ERI1: variants seen among roughly 807,000 people sequenced by gnomAD.
The protein encoded by ERI1 is 3'-5' exoribonuclease 1.
In ERI1, 39 loss-of-function variants were observed where a neutral mutation model predicts 39.7. That is an observed-to-expected ratio of 0.98 (90% CI 0.76 to 1.28). ERI1 has a LOEUF of 1.28. ERI1 is among the 50% of genes most tolerant of loss of function. The pLI is 0.00. For synonymous variants in ERI1, 204 were observed against 149.6 expected, an observed-to-expected ratio of 1.36 and a Z score of -2.65; for missense variants, 581 against 416.9, an observed-to-expected ratio of 1.39 and a Z score of -3.43.
chr8:9,005,101 T>A (rs1453259655), intron 1 of ERI1, among the ~76,000 whole-genome samples: 1 of 152,234 alleles, frequency 6.6e-6, no homozygotes, highest in East Asian at 1.9e-4. Flanking sequence ...TATTGCATAT[T>A]TATATTTTTA....
chr8:9,093,139 CA>C (rs1232129553), intron 3 of ERI1, among the ~76,000 whole-genome samples: 1 of 152,150 alleles, frequency 6.6e-6, no homozygotes, highest in Non-Finnish European at 1.5e-5. Context: ...ACCAGGTCTC[CA>C]AACACAGCAG....
chr8:9,057,625 A>C (rs934274395), intron 3 of ERI1, among the ~76,000 whole-genome samples: 4 of 152,196 alleles, frequency 2.6e-5, no homozygotes, highest in African/African-American at 9.7e-5. Flanking sequence ...AAAGACAAAA[A>C]TCCCTCTTTG....
intron 3 of ERI1, among the ~76,000 whole-genome samples, chr8:9,051,587 G>T (rs1798356338): frequency 1.3e-5 from 2 of 151,744 alleles, no homozygotes; most frequent in Non-Finnish European, 2.9e-5. Context: ...AACCCAGGAG[G>T]CAGATGTTGC....
At chr8:9,033,514 GT>G (rs1797730689), downstream of ERI1, among the ~76,000 whole-genome samples, 1 of 152,174 alleles carries the variant, frequency 6.6e-6, no homozygotes, top group African/African-American at 2.4e-5. Flanking sequence ...CAATATATAA[GT>G]TCCATCAACA....
At chr8:9,064,184 G>T (rs1438906628) in intron 3 of ERI1, among the ~76,000 whole-genome samples, 1 of 151,814 alleles carries the variant, frequency 6.6e-6, no homozygotes, top group East Asian at 1.9e-4. Flanking sequence ...AGGGATCGGG[G>T]GGTTCTTGCC....
chr8:9,024,872 A>T (rs1429393374), intron 6 of ERI1, among the ~76,000 whole-genome samples: 2 of 152,182 alleles, frequency 1.3e-5, no homozygotes, highest in Admixed American at 1.3e-4. Flanking sequence ...ATTGAATTTA[A>T]GATAAGCTCA....
intron 3 of ERI1, among the ~76,000 whole-genome samples, chr8:9,058,286 G>T (rs996829037): frequency 6.6e-6 from 1 of 152,190 alleles, no homozygotes; most frequent in East Asian, 1.9e-4. Flanking sequence ...AGAAAGGGTG[G>T]AGCCACGGGC....
chr8:9,091,848 A>C (rs987825751), intron 3 of ERI1, among the ~76,000 whole-genome samples: 2 of 152,248 alleles, frequency 1.3e-5, no homozygotes, highest in Admixed American at 1.3e-4. Flanking sequence ...ACATATTTTA[A>C]AGAGACAGAC....
intron 3 of ERI1, among the ~76,000 whole-genome samples, chr8:9,086,026 G>T (rs1403609938): frequency 6.6e-6 from 1 of 152,130 alleles, no homozygotes; most frequent in African/African-American, 2.4e-5. Context: ...ACAGAAAAGA[G>T]AATTTTATCC....
At chr8:9,068,371 C>T (rs1282821884) in intron 3 of ERI1, among the ~76,000 whole-genome samples, 2 of 152,168 alleles carry the variant, frequency 1.3e-5, no homozygotes, top group Non-Finnish European at 2.9e-5. Flanking sequence ...GAGTCTCATT[C>T]TGTTGCCCAA....
At chr8:9,089,582 C>T (rs55686280) in intron 3 of ERI1, among the ~76,000 whole-genome samples, 43,403 of 152,070 alleles carry the variant, frequency 0.29, 6,723 homozygotes, top group Non-Finnish European at 0.35. Context: ...AGGAGCCCCA[C>T]TGGCTCTGAG....
downstream of ERI1, among the ~76,000 whole-genome samples, chr8:9,035,710 TTC>T (rs1032747398): frequency 7.2e-5 from 11 of 152,228 alleles, no homozygotes; most frequent in African/African-American, 2.2e-4. Context: ...CAAGTAGTAG[TTC>T]TGGCTTTCAA....
At chr8:9,046,163 C>T (rs1798168939) in intron 3 of ERI1, among the ~76,000 whole-genome samples, 1 of 152,184 alleles carries the variant, frequency 6.6e-6, no homozygotes, top group Admixed American at 6.5e-5. Flanking sequence ...GGCCATCAGC[C>T]ATCGCCATTG....
chr8:9,059,991 G>T (rs1282401159), intron 3 of ERI1, among the ~76,000 whole-genome samples: 7 of 152,202 alleles, frequency 4.6e-5, no homozygotes, highest in Non-Finnish European at 1.0e-4. Context: ...GTAGCATTCC[G>T]AGGACAGGCC....
chr8:9,057,469 C>T (rs1415936168), intron 3 of ERI1, among the ~76,000 whole-genome samples: 1 of 152,200 alleles, frequency 6.6e-6, no homozygotes, highest in Non-Finnish European at 1.5e-5. Context: ...CAGACCCAAT[C>T]ACTTTTGCGG....
chr8:9,037,255 C>A (rs1018598873), downstream of ERI1, among the ~76,000 whole-genome samples: 1 of 152,160 alleles, frequency 6.6e-6, no homozygotes, highest in Non-Finnish European at 1.5e-5. Flanking sequence ...GTAATAGTTA[C>A]TCCCCTCACC....
At chr8:9,056,782 A>G (rs1001731774) in intron 3 of ERI1, among the ~76,000 whole-genome samples, 1 of 152,146 alleles carries the variant, frequency 6.6e-6, no homozygotes, top group Non-Finnish European at 1.5e-5. Context: ...AACACTTTTG[A>G]TTACCCGTCA....
chr8:9,038,056 T>G (rs1797907522), downstream of ERI1, among the ~76,000 whole-genome samples: 1 of 152,226 alleles, frequency 6.6e-6, no homozygotes, highest in Non-Finnish European at 1.5e-5. Context: ...ATTTGCACAT[T>G]TAAAGCTATT....
At chr8:9,098,915 C>T (rs1799963229) in intron 3 of ERI1, among the ~76,000 whole-genome samples, 1 of 152,068 alleles carries the variant, frequency 6.6e-6, no homozygotes, top group Non-Finnish European at 1.5e-5. Flanking sequence ...CTCACTGCAA[C>T]CTCTGCCTCC....
Sources: gnomAD v4.1 joint callset for allele counts (sites outside exome capture counted in the v4.1 genomes callset) on GRCh38, gnomAD v4.1.1 for gene constraint, MANE v1.5 for transcripts, NCBI Gene and HGNC (gene_info 2026-07-23, HGNC 2026-07-21) for gene names.